MED4: variants seen among roughly 807,000 people sequenced by gnomAD.
MED4 encodes the protein mediator complex subunit 4, also known as mediator of RNA polymerase II transcription subunit 4.
A neutral mutation model predicts 35.0 loss-of-function variants in MED4; 21 were observed. The observed-to-expected ratio is 0.60, with a 90% CI of 0.43 to 0.86. The LOEUF (loss-of-function observed/expected upper bound fraction) is 0.86. MED4 is among the 40% of genes least tolerant of loss of function. The pLI is 0.00. For missense variants in MED4, 300 were observed against 319.4 expected (o/e 0.94, Z 0.46); for synonymous variants, 138 against 114.0 (o/e 1.21, Z -1.34).
intron 5 of MED4, among the ~76,000 whole-genome samples, chr13:48,080,956 T>C (rs1362115963): frequency 6.6e-6 from 1 of 152,194 alleles, no homozygotes; most frequent in Non-Finnish European, 1.5e-5. Context: ...CTTGACCAGA[T>C]TTGGATTGAC....
At chr13:48,080,682 A>T (rs1950801250) in intron 5 of MED4, among the ~76,000 whole-genome samples, 1 of 152,116 alleles carries the variant, frequency 6.6e-6, no homozygotes, top group Admixed American at 6.5e-5. Flanking sequence ...AAAAATCATG[A>T]CACTTATAAG....
chr13:48,084,493 AT>A (rs1247537001), intron 3 of MED4, among the ~76,000 whole-genome samples: 1 of 152,238 alleles, frequency 6.6e-6, no homozygotes, highest in African/African-American at 2.4e-5. Context: ...AGTTACTACT[AT>A]TTAAGTCATG....
chr13:48,093,157 G>A (rs1034275554), intron 1 of MED4, among the ~76,000 whole-genome samples: 1 of 152,122 alleles, frequency 6.6e-6, no homozygotes, highest in African/African-American at 2.4e-5. Flanking sequence ...TACATTATTA[G>A]CAGTAATACA....
At chr13:48,090,644 T>C (rs1270878409) in intron 1 of MED4, among the ~76,000 whole-genome samples, 5 of 152,216 alleles carry the variant, frequency 3.3e-5, no homozygotes, top group Admixed American at 1.3e-4. Flanking sequence ...GTTCTTTCTA[T>C]AAAAACCTAA....
rs373914507 is a variant in MED4 at position 48,094,945 on chromosome 13, C to T, written c.125+9G>A. 142 of 1,601,954 alleles carry T rather than the reference C, an allele frequency of 8.9e-5. No individual in the cohort carries two copies. The highest frequency in any genetic ancestry group is 1.1e-4 in the Non-Finnish European group (132 of 1,179,250). ...AGCTCCAGCCCGGCTCTCAGGCTCGCCGCATTACCTAGACAGGACCTCCAA... is the reference window on the plus strand; with the variant it reads ...AGCTCCAGCCCGGCTCTCAGGCTCGTCGCATTACCTAGACAGGACCTCCAA... On this transcript the variant is annotated intron_variant, in intron 1 of 6. Transcript: ENST00000258648.
chr13:48,081,755 T>G, intron 4 of MED4, 24 bp from the exon 5 acceptor site: 1 of 1,468,928 alleles, frequency 6.8e-7, no homozygotes, highest in Non-Finnish European at 9.4e-7. Context: ...AAGAGGACAG[T>G]ATAACCTGTA....
In MED4 at chr13:48,090,524, A is replaced by C. The variant is rs553808225; in HGVS notation, c.126-106T>G. 49 of 785,396 alleles carry C rather than the reference A, an allele frequency of 6.2e-5. 1 individual carries two copies. Among genetic ancestry groups the C allele is most frequent in the Non-Finnish European group, 8.9e-5 (45 of 504,428 alleles). The allele number at this position is 785,396 out of a possible 1,614,324, so 48.7% of individuals were successfully genotyped here. The stretch of plus-strand genomic sequence containing the variant: ...TGACTGTGAACTACAGCTCACCAAG[A>C]CTCGCTTGTGCCGGTTACCAAACTT... On this transcript the variant is annotated intron_variant, in intron 1 of 6. Transcript: ENST00000258648.
rs912256456 is a variant in MED4 at position 48,086,367 on chromosome 13, A to G, written c.278T>C (p.Met93Thr). Residue 93 changes from methionine to threonine, a missense_variant, in exon 3 of 7, where the codon ATG (methionine) becomes ACG (threonine). Physicochemically the swap from Met to Thr is moderately conservative, Grantham distance 81 (BLOSUM62 -1). Coordinates refer to ENST00000258648, the MANE Select transcript of MED4 (RefSeq NM_014166.4). Reference sequence around the variant, plus strand: ...CTCTACTTCTTTTTCTAAAACTTGCATTTCATGATGAATTTTTCCCTGATT... The same window carrying G: ...CTCTACTTCTTTTTCTAAAACTTGCGTTTCATGATGAATTTTTCCCTGATT... Reference protein sequence around the residue: ...ALNQGKIHHEMQVLEKEVEKR... With the variant: ...ALNQGKIHHETQVLEKEVEKR... The G allele has an allele frequency of 1.9e-6, 3 of 1,613,110 alleles. No individual in the cohort carries two copies. Among genetic ancestry groups the G allele is most frequent in the Non-Finnish European group, 2.5e-6 (3 of 1,179,750 alleles).
chr13:48,079,630 C>T (rs1950789027), intron 6 of MED4: 2 of 449,106 alleles, frequency 4.5e-6, no homozygotes, highest in Non-Finnish European at 8.0e-6. Context: ...ATCCCAGCTA[C>T]TCGGGAGGCT....
chr13:48,086,225 A>C, intron 3 of MED4, 57 bp downstream of exon 3: 2 of 1,514,606 alleles, frequency 1.3e-6, no homozygotes, highest in Non-Finnish European at 1.8e-6. Context: ...CAGATTTTTC[A>C]GAAACAGATT....
At chr13:48,077,502 C>T in intron 6 of MED4, 191 bp from the exon 7 acceptor site, 1 of 401,632 alleles carries the variant, frequency 2.5e-6, no homozygotes, top group Non-Finnish European at 4.3e-6. Flanking sequence ...GAAGCCCTGA[C>T]CTAGGCTCAA....
At position 48,086,264 on chromosome 13, in the gene MED4, C is replaced by A. The variant is rs1444701078; in HGVS notation, c.363+18G>T. The A allele has an allele frequency of 1.2e-6, 2 of 1,608,832 alleles. No individual in the cohort carries two copies. Among genetic ancestry groups the A allele is most frequent in the African/African-American group, 2.7e-5 (2 of 74,486 alleles). ...CAACATCCTTTTTAACCTTAAGAAC[C>A]AACCTCTGTCAACTTACCAGTATTT... On this transcript the variant is annotated intron_variant, in intron 3 of 6. Transcript: ENST00000258648.
intron 1 of MED4, 106 bp downstream of exon 1, chr13:48,094,848 G>A (rs1950916820): frequency 1.3e-6 from 2 of 1,492,480 alleles, no homozygotes; most frequent in Non-Finnish European, 1.8e-6. Flanking sequence ...TCCCGAGCTG[G>A]CCCTCCCCGC....
intron 3 of MED4, among the ~76,000 whole-genome samples, chr13:48,084,265 C>CAAAAAAAAAAAAAAA (rs71099664): frequency 9.1e-6 from 1 of 109,972 alleles, no homozygotes; most frequent in Admixed American, 9.3e-5. Context: ...GACTCTGTCT[C>CAAAAAAAAAAAAAAA]AAAAAAAAAA....
At position 48,086,379 on chromosome 13, in the gene MED4, A is replaced by T; in HGVS notation, c.266T>A (p.Ile89Asn). The change falls in exon 3 of 7, where the codon ATT becomes AAT. Residue 89 changes from isoleucine to asparagine, a missense_variant. Ile to Asn is a moderately radical substitution (Grantham distance 149). Coordinates refer to ENST00000258648, the MANE Select transcript of MED4 (RefSeq NM_014166.4). ...TTCTAAAACTTGCATTTCATGATGAATTTTTCCCTGATTAAGTGCCAATTT... is the reference window on the plus strand; with the variant it reads ...TTCTAAAACTTGCATTTCATGATGATTTTTTCCCTGATTAAGTGCCAATTT... ...LMKLALNQGK[I>N]HHEMQVLEKE... 6.2e-7 allele frequency: 1 copy of T among 1,612,452 alleles called. No individual in the cohort carries two copies. The highest frequency in any genetic ancestry group is 8.5e-7 in the Non-Finnish European group (1 of 1,179,688).
At position 48,082,565 on chromosome 13, in the gene MED4, T is replaced by C. The variant is rs547906027; in HGVS notation, c.421+806A>G. 3.3e-3 allele frequency among the ~76,000 whole-genome samples: 497 copies of C among 152,312 alleles called. 3 individuals are homozygous for C. The highest frequency in any genetic ancestry group is 5.7e-3 in the Non-Finnish European group (387 of 68,020). ...CTATTTGGCTGGGCGCAGTGGCTCA[T>C]GCCTGTAATCCCAGCACTTTGGGAG... is the stretch of plus-strand genomic sequence containing the variant. On this transcript the variant is annotated intron_variant, in intron 4 of 6. Coordinates refer to ENST00000258648, the MANE Select transcript of MED4 (RefSeq NM_014166.4).
At position 48,083,725 on chromosome 13, in the gene MED4, C is replaced by T. The variant is rs563502347; in HGVS notation, c.364-297G>A. On this transcript the variant is annotated intron_variant, in intron 3 of 6. Coordinates refer to ENST00000258648, the MANE Select transcript of MED4 (RefSeq NM_014166.4). ...TTCTACCATAAACATGCAGAAGACA[C>T]CCAGACTATGGACGACCCCAAAAGC... 9.8e-4 allele frequency among the ~76,000 whole-genome samples: 149 copies of T among 152,254 alleles called. 3 individuals are homozygous for T. Among genetic ancestry groups the T allele is most frequent in the Middle Eastern group, 3.4e-3 (1 of 294 alleles).
intron 4 of MED4, among the ~76,000 whole-genome samples, chr13:48,082,553 C>T (rs996967477): frequency 3.9e-5 from 6 of 152,126 alleles, no homozygotes; most frequent in Non-Finnish European, 7.4e-5. Context: ...TTTGGCTGGG[C>T]GCAGTGGCTC....
chr13:48,093,385 AG>A (rs753761598), intron 1 of MED4, among the ~76,000 whole-genome samples: 5 of 152,258 alleles, frequency 3.3e-5, no homozygotes, highest in Admixed American at 6.5e-5. Flanking sequence ...AGAAAAAAAA[AG>A]ATCCTAAGTT....
Sources: allele counts gnomAD v4.1 joint callset (sites outside exome capture counted in the v4.1 genomes callset), GRCh38; gene constraint gnomAD v4.1.1; transcripts MANE v1.5; gene names NCBI Gene and HGNC (gene_info 2026-07-23, HGNC 2026-07-21).